SRPRA: variants seen among roughly 807,000 people sequenced by gnomAD.
SRPRA encodes the protein signal recognition particle receptor subunit alpha.
In SRPRA, 30 loss-of-function variants were observed where a neutral mutation model predicts 61.1. The ratio of observed to expected loss-of-function variants is 0.49; its 90% CI spans 0.37 to 0.67. SRPRA has a LOEUF of 0.67. Ranked by LOEUF, SRPRA falls within the 30% of genes least tolerant of loss-of-function variation. The probability of loss-of-function intolerance (pLI) is 0.00; values close to 1 mark genes in which losing one functional copy is unlikely to be tolerated. For synonymous variants in SRPRA, 324 were observed against 299.7 expected (o/e 1.08, Z -0.84); for missense variants, 759 against 828.4 (o/e 0.92, Z 1.03).
Position 126,267,726 on chromosome 11 carries a change from G to A in SRPRA, c.202-14C>T. Reference sequence around the variant, plus strand: ...CTGAAAACCAACCTGTTTAGGGGAAGAAACAGCCAACAGATCTGCTTACAT... The same window carrying A: ...CTGAAAACCAACCTGTTTAGGGGAAAAAACAGCCAACAGATCTGCTTACAT... On this transcript the variant is annotated splice_polypyrimidine_tract_variant and intron_variant, in intron 2 of 13. Coordinates refer to ENST00000332118, the MANE Select transcript of SRPRA (RefSeq NM_003139.4). This position sits in a 1 kb window ranked among gnomAD's most constrained non-coding sequence, Gnocchi z 4.2. The A allele has an allele frequency of 6.2e-7, 1 of 1,613,842 alleles. No homozygotes were observed. Among genetic ancestry groups the A allele is most frequent in the Non-Finnish European group, 8.5e-7 (1 of 1,179,924 alleles).
At position 126,265,849 on chromosome 11, in the gene SRPRA, A is replaced by G; in HGVS notation, c.1052-26T>C. The G allele has an allele frequency of 6.2e-7, 1 of 1,614,056 alleles. No individual in the cohort carries two copies. The highest frequency in any genetic ancestry group is 1.6e-4 in the Middle Eastern group (1 of 6,062). ...CTGAGGAGAGGGGGACAGGTATGTC[A>G]GTTCCATGTCAGCAATGACCAATCT... On this transcript the variant is annotated intron_variant, in intron 8 of 13. Transcript: ENST00000332118. This position sits in a 1 kb window ranked among gnomAD's most constrained non-coding sequence, Gnocchi z 6.3.
the SRPRA span, among the ~76,000 whole-genome samples, chr11:126,239,693 T>C: frequency 2.1e-4 from 32 of 152,178 alleles, no homozygotes; most frequent in Non-Finnish European, 3.7e-4. Context: ...TTTGTATTTT[T>C]AGTAGACACA....
In SRPRA at chr11:126,265,382, T is replaced by C; in HGVS notation, c.1197A>G (p.Pro399=). 6.2e-7 allele frequency: 1 copy of C among 1,614,090 alleles called. No homozygotes were observed. The highest frequency in any genetic ancestry group is 1.7e-5 in the Admixed American group (1 of 60,020). ...CCCGGAGCATGTCTACACGACGCTGTGGCTGCAGAATCTGCACCAGGGACT... is the reference window on the plus strand; with the variant it reads ...CCCGGAGCATGTCTACACGACGCTGCGGCTGCAGAATCTGCACCAGGGACT... ...LQESLVQILQ[P]QRRVDMLRDI... Residue 399 remains proline (P), a synonymous_variant, in exon 10 of 14, where the codon CCA becomes CCG. Coordinates refer to ENST00000332118, the MANE Select transcript of SRPRA (RefSeq NM_003139.4). This position sits in a 1 kb window ranked among gnomAD's most constrained non-coding sequence, Gnocchi z 6.3.
At position 126,267,388 on chromosome 11, in the gene SRPRA, A is replaced by G. The variant is rs1465600866; in HGVS notation, c.366-53T>C. The G allele has an allele frequency of 2.5e-6, 4 of 1,604,364 alleles. No homozygotes were observed. Among genetic ancestry groups the G allele is most frequent in the Non-Finnish European group, 3.4e-6 (4 of 1,175,626 alleles). ...TTCTACCCCATGCAGAAGGAAAAAT[A>G]ACGGTCCAGAGAAAGGACTCTCACA... On this transcript the variant is annotated intron_variant, in intron 3 of 13. Coordinates refer to ENST00000332118, the MANE Select transcript of SRPRA (RefSeq NM_003139.4). The surrounding 1 kb of genome is among the most constrained non-coding windows in gnomAD (Gnocchi z 4.2).
chr11:126,244,038 T>A, the SRPRA span, among the ~76,000 whole-genome samples: 299 of 152,144 alleles, frequency 2.0e-3, no homozygotes, highest in African/African-American at 5.7e-3. This position sits in a 1 kb window ranked among gnomAD's most constrained non-coding sequence, Gnocchi z 4.5. Context: ...TGATTTTTTT[T>A]AAAAAAGCCA....
At position 126,264,771 on chromosome 11, in the gene SRPRA, T is replaced by G. The variant is rs1591536976; in HGVS notation, c.1525+188A>C. ...CAAATTCAGGTTTCTCTGGTTAAGG[T>G]ATATTAGCTTTGCCTGCAACTACAT... On this transcript the variant is annotated intron_variant, in intron 11 of 13. Transcript: ENST00000332118. This position sits in a 1 kb window ranked among gnomAD's most constrained non-coding sequence, Gnocchi z 5.0. 6.6e-6 allele frequency: 5 copies of G among 754,104 alleles called. No homozygotes were observed. The East Asian group carries it at 1.3e-4, about 20-fold the overall frequency. The allele number at this position is 754,104 out of a possible 1,614,324, so 46.7% of individuals were successfully genotyped here.
At position 126,264,987 on chromosome 11, in the gene SRPRA, A is replaced by G. The variant is rs948316195; in HGVS notation, c.1497T>C (p.Ala499=). 5.0e-6 allele frequency: 8 copies of G among 1,614,006 alleles called. No individual in the cohort carries two copies. The African/African-American group carries it at 1.1e-4, about 22-fold the overall frequency. Residue 499 remains alanine (A), a synonymous_variant, in exon 11 of 14, where the codon GCT becomes GCC. Coordinates refer to ENST00000332118, the MANE Select transcript of SRPRA (RefSeq NM_003139.4). The surrounding 1 kb of genome is among the most constrained non-coding windows in gnomAD (Gnocchi z 5.0). ...LFEKGYGKDA[A]GIAMEAIAFA... is the part of the protein sequence containing the mutation. ...AAGCAATGGCTTCCATGGCAATGCC[A>G]GCAGCATCCTTGCCATAGCCCTTTT...
In SRPRA at chr11:126,266,749, G is replaced by A. The variant is rs777188244; in HGVS notation, c.686+14C>T. On this transcript the variant is annotated intron_variant, in intron 5 of 13. Transcript: ENST00000332118. ...ATAACAGTATTTTGAGAGTACTGGA[G>A]AAAGAGTGCTCACTTGGACTTCTCC... 4.0e-5 allele frequency: 64 copies of A among 1,613,652 alleles called. No individual in the cohort carries two copies. The highest frequency in any genetic ancestry group is 5.2e-5 in the Non-Finnish European group (61 of 1,179,778).
In SRPRA at chr11:126,266,051, A is replaced by G. The variant is rs1376723051; in HGVS notation, c.963T>C (p.Phe321=). 1 of 1,614,196 alleles carries G rather than the reference A, an allele frequency of 6.2e-7. No homozygotes were observed. The highest frequency in any genetic ancestry group is 2.2e-5 in the East Asian group (1 of 44,878). The change falls in exon 8 of 14, where the codon TTT becomes TTC. Residue 321 remains phenylalanine, a synonymous_variant. Transcript: ENST00000332118. ...AACCCACAAGGCCCTTCAGCATACCAAACATGCCACCCAGTGTTCCCTTGG... is the reference window on the plus strand; with the variant it reads ...AACCCACAAGGCCCTTCAGCATACCGAACATGCCACCCAGTGTTCCCTTGG... ...SATKGTLGGM[F]GMLKGLVGSK...
downstream of SRPRA, chr11:126,260,282 C>G (rs1950661396): frequency 6.6e-6 from 1 of 152,204 alleles, no homozygotes; most frequent in Non-Finnish European, 1.5e-5. Flanking sequence ...ATCCTCCCAC[C>G]TCAGCTTCCC....
chr11:126,240,264 ACTTTTTTTTT>A, the SRPRA span, among the ~76,000 whole-genome samples: 2 of 146,498 alleles, frequency 1.4e-5, no homozygotes, highest in South Asian at 2.1e-4. Context: ...TCTATTGGCC[ACTTTTTTTTT>A]CTTTTTTTTT....
chr11:126,252,205 T>G, the SRPRA span, among the ~76,000 whole-genome samples: 3 of 152,120 alleles, frequency 2.0e-5, no homozygotes, highest in African/African-American at 7.2e-5. This position sits in a 1 kb window ranked among gnomAD's most constrained non-coding sequence, Gnocchi z 4.7. Context: ...CAGGCTGGTC[T>G]CGAACTCCTG....
At chr11:126,251,308 G>A in the SRPRA span, among the ~76,000 whole-genome samples, 11 of 152,116 alleles carry the variant, frequency 7.2e-5, no homozygotes, top group Non-Finnish European at 1.3e-4. Flanking sequence ...TGTGATTTTT[G>A]TAATGTTTTT....
At chr11:126,262,250 A>T, downstream of SRPRA, 1 of 1,051,216 alleles carries the variant, frequency 9.5e-7, no homozygotes, top group Non-Finnish European at 1.4e-6. Flanking sequence ...CAATAGCCAG[A>T]GGTTGAAGGG....
At chr11:126,250,383 G>T in the SRPRA span, 13 of 667,534 alleles carry the variant, frequency 1.9e-5, no homozygotes, top group East Asian at 5.5e-5. The surrounding 1 kb of genome is among the most constrained non-coding windows in gnomAD (Gnocchi z 5.1). Flanking sequence ...GAGCCACTGC[G>T]CCTGGCCTTT....
At chr11:126,236,835 A>T in the SRPRA span, among the ~76,000 whole-genome samples, 8 of 143,682 alleles carry the variant, frequency 5.6e-5, no homozygotes, top group Admixed American at 3.4e-4. Flanking sequence ...GGATTTAAAA[A>T]TTTCTGTTGC....
Position 126,267,710 on chromosome 11 carries a change from A to C in SRPRA, c.204T>G (p.Val68=). Residue 68 remains valine (V), a splice_region_variant and synonymous_variant, in exon 3 of 14, where the codon GTT becomes GTG. Transcript: ENST00000332118. This position sits in a 1 kb window ranked among gnomAD's most constrained non-coding sequence, Gnocchi z 4.2. ...LDNQFELVFV[V]GFQKILTLTY... The stretch of plus-strand genomic sequence containing the variant: ...TCAGTGTCAGGATCTTCTGAAAACC[A>C]ACCTGTTTAGGGGAAGAAACAGCCA... The C allele has an allele frequency of 6.2e-7, 1 of 1,614,024 alleles. No individual in the cohort carries two copies. The highest frequency in any genetic ancestry group is 8.5e-7 in the Non-Finnish European group (1 of 1,180,012).
the SRPRA span, among the ~76,000 whole-genome samples, chr11:126,248,472 G>A: frequency 3.8e-5 from 5 of 132,806 alleles, no homozygotes; most frequent in Non-Finnish European, 7.7e-5. Flanking sequence ...CCGGATTCAA[G>A]CGATTCTCCT....
chr11:126,246,671 G>T, the SRPRA span, among the ~76,000 whole-genome samples: 1 of 151,902 alleles, frequency 6.6e-6, no homozygotes, highest in Non-Finnish European at 1.5e-5. Flanking sequence ...TGAACTCCTG[G>T]GCTCAAGTGA....
Sources: gnomAD v4.1 joint callset for allele counts (sites outside exome capture counted in the v4.1 genomes callset) on GRCh38, gnomAD v4.1.1 for gene constraint, Gnocchi (gnomAD v3.1) non-coding constraint, MANE v1.5 for transcripts, NCBI Gene and HGNC (gene_info 2026-07-23, HGNC 2026-07-21) for gene names.